LIMCH1: variants seen among roughly 807,000 people sequenced by gnomAD.
LIMCH1 encodes the protein LIM and calponin homology domains 1.
LIMCH1 carries 113 observed loss-of-function variants against 176.5 expected under a neutral mutation model. The ratio of observed to expected loss-of-function variants is 0.64; its 90% confidence interval spans 0.55 to 0.75. The LOEUF is 0.75. Among genes scored for constraint, LIMCH1 ranks in the 30% least tolerant of loss-of-function variants. The pLI, the probability that LIMCH1 is intolerant of heterozygous loss-of-function variation, is 0.00. For synonymous variants in LIMCH1, 619 were observed against 645.9 expected, an observed-to-expected ratio of 0.96 and a Z score of 0.63; for missense variants, 1,674 against 1,814.9, an observed-to-expected ratio of 0.92 and a Z score of 1.41.
chr4:41,492,687 C>G (rs1047298422), intron 1 of LIMCH1, among the ~76,000 whole-genome samples: 5 of 152,126 alleles, frequency 3.3e-5, no homozygotes, highest in Admixed American at 6.5e-5. Context: ...CTCTACTTGT[C>G]CTGTCAATTA....
chr4:41,637,234 G>A (rs2093631365), intron 13 of LIMCH1, among the ~76,000 whole-genome samples: 1 of 151,996 alleles, frequency 6.6e-6, no homozygotes, highest in South Asian at 2.1e-4. Flanking sequence ...TGTCACCCAG[G>A]CTGGAGTACA....
intron 21 of LIMCH1, among the ~76,000 whole-genome samples, chr4:41,667,275 C>A (rs1239184417): frequency 1.3e-5 from 2 of 151,534 alleles, no homozygotes; most frequent in Admixed American, 6.6e-5. Flanking sequence ...TTTTTTTTTA[C>A]TCCACAATAA....
At chr4:41,538,691 T>C (rs1228528696) in intron 1 of LIMCH1, among the ~76,000 whole-genome samples, 1 of 152,168 alleles carries the variant, frequency 6.6e-6, no homozygotes, top group Non-Finnish European at 1.5e-5. Flanking sequence ...GCAACTTGGC[T>C]GCATTTTTAA....
intron 1 of LIMCH1, among the ~76,000 whole-genome samples, chr4:41,395,894 T>C (rs1054525759): frequency 6.6e-6 from 1 of 152,056 alleles, no homozygotes. Flanking sequence ...AAAAATAAAG[T>C]AGGGCAGTGG....
intron 1 of LIMCH1, among the ~76,000 whole-genome samples, chr4:41,458,077 T>C (rs757605240): frequency 2.6e-5 from 4 of 152,222 alleles, no homozygotes; most frequent in Admixed American, 1.3e-4. Flanking sequence ...CTTGAGATGA[T>C]GGACCCCATT....
chr4:41,402,792 C>T (rs2058588233), intron 1 of LIMCH1, among the ~76,000 whole-genome samples: 1 of 129,706 alleles, frequency 7.7e-6, no homozygotes, highest in Non-Finnish European at 1.5e-5. Context: ...CACATGGACA[C>T]AGGAAGGGGA....
chr4:41,384,373 T>A (rs2056181985), intron 1 of LIMCH1, among the ~76,000 whole-genome samples: 1 of 151,748 alleles, frequency 6.6e-6, no homozygotes, highest in African/African-American at 2.4e-5. Flanking sequence ...CCGGGCTATT[T>A]TTTTTTTTTT....
intron 1 of LIMCH1, among the ~76,000 whole-genome samples, chr4:41,362,367 G>T (rs910341372): frequency 2.0e-5 from 3 of 152,188 alleles, no homozygotes; most frequent in African/African-American, 7.2e-5. Flanking sequence ...TGGCTGGAAC[G>T]GTTTGGCGTG....
At chr4:41,574,304 C>G (rs985455412) in intron 1 of LIMCH1, among the ~76,000 whole-genome samples, 11 of 110,602 alleles carry the variant, frequency 9.9e-5, no homozygotes, top group African/African-American at 3.8e-4. Context: ...CCTCCCCTCT[C>G]CTTTTTTGAG....
At chr4:41,400,533 C>G (rs527950024) in intron 1 of LIMCH1, among the ~76,000 whole-genome samples, 38 of 152,266 alleles carry the variant, frequency 2.5e-4, no homozygotes, top group African/African-American at 8.9e-4. Flanking sequence ...GTTTTGTACT[C>G]TCTCTCTTAT....
intron 1 of LIMCH1, among the ~76,000 whole-genome samples, chr4:41,444,882 A>G (rs2063116013): frequency 6.6e-6 from 1 of 152,250 alleles, no homozygotes. Flanking sequence ...TGTGATGGCC[A>G]GGCTACCAGA....
chr4:41,416,967 A>G (rs555057912), intron 1 of LIMCH1, among the ~76,000 whole-genome samples: 52 of 152,286 alleles, frequency 3.4e-4, no homozygotes, highest in African/African-American at 1.3e-3. Context: ...ATATCTTTAC[A>G]TAGCAAGCTT....
At chr4:41,438,630 C>T (rs980349710) in intron 1 of LIMCH1, among the ~76,000 whole-genome samples, 11 of 152,130 alleles carry the variant, frequency 7.2e-5, no homozygotes, top group Non-Finnish European at 1.0e-4. Flanking sequence ...TGAGCCACTG[C>T]GCCTGGCTGG....
At chr4:41,668,306 A>G (rs1219938114) in intron 21 of LIMCH1, among the ~76,000 whole-genome samples, 1 of 152,246 alleles carries the variant, frequency 6.6e-6, no homozygotes, top group Non-Finnish European at 1.5e-5. Flanking sequence ...CTGTTTTCAA[A>G]GCATTTGTCT....
intron 9 of LIMCH1, 77 bp downstream of exon 9, chr4:41,629,811 G>T (rs1294911421): frequency 5.0e-6 from 7 of 1,399,150 alleles, no homozygotes; most frequent in South Asian, 1.5e-5. Context: ...GCTTATCTTT[G>T]TGTCTTTTTT....
At chr4:41,419,572 T>TTCCG (rs1427704331) in intron 1 of LIMCH1, among the ~76,000 whole-genome samples, 41 of 81,562 alleles carry the variant, frequency 5.0e-4, no homozygotes, top group South Asian at 2.1e-3. Flanking sequence ...CCTTCCTTCC[T>TTCCG]TCCTTCCTTC....
chr4:41,664,074 C>T (rs1452338904), intron 20 of LIMCH1, among the ~76,000 whole-genome samples: 2 of 151,900 alleles, frequency 1.3e-5, no homozygotes, highest in Admixed American at 1.3e-4. Flanking sequence ...AAGCCCATTC[C>T]AGACCAAATA....
At position 41,446,820 on chromosome 4, in the gene LIMCH1, A is replaced by G. The variant is rs74721084; in HGVS notation, c.97-47716A>G. Among the ~76,000 whole-genome samples the G allele has an allele frequency of 8.7e-3, 1,323 of 152,342 alleles. 29 individuals carry two copies. Among genetic ancestry groups the G allele is most frequent in the African/African-American group, 0.03 (1,235 of 41,580 alleles). ...AGTGGCCTCAGAAATTTGAATTATCATGAAAGGAAAAGGAAGAATGACTTA... is the reference window on the plus strand; with the variant it reads ...AGTGGCCTCAGAAATTTGAATTATCGTGAAAGGAAAAGGAAGAATGACTTA... On this transcript the variant is annotated intron_variant, in intron 1 of 26. Coordinates refer to the LIMCH1 transcript ENST00000313860.
chr4:41,489,897 T>C (rs530707802), intron 1 of LIMCH1, among the ~76,000 whole-genome samples: 9 of 152,282 alleles, frequency 5.9e-5, no homozygotes, highest in African/African-American at 2.2e-4. Context: ...AATAACATAG[T>C]CAATTAACAA....
Sources: allele counts gnomAD v4.1 joint callset (sites outside exome capture counted in the v4.1 genomes callset), GRCh38; gene constraint gnomAD v4.1.1; transcripts MANE v1.5; gene names NCBI Gene and HGNC (gene_info 2026-07-23, HGNC 2026-07-21).